Variants in PDE4C observed in about 807,000 individuals in gnomAD.
PDE4C encodes 3',5'-cyclic-AMP phosphodiesterase 4C.
Under a neutral mutation model 63.9 loss-of-function variants are expected in PDE4C, and 50 were observed. The observed-to-expected ratio is 0.78, with a 90% CI of 0.62 to 0.99. The LOEUF is 0.99. Among genes scored for constraint, PDE4C ranks in the 50% least tolerant of loss-of-function variants. PDE4C has a pLI of 0.00. For missense variants in PDE4C, 777 were observed against 899.1 expected (o/e 0.86, Z 1.74); for synonymous variants, 377 against 385.1 (o/e 0.98, Z 0.25).
intron 4 of PDE4C, 56 bp downstream of exon 4, chr19:18,221,049 T>TCCGCCAGGCGCCCCCCCCCC: frequency 1.6e-6 from 2 of 1,239,966 alleles, no homozygotes. Flanking sequence ...CAGCCCGCTT[T>TCCGCCAGGCGCCCCCCCCCC]CCGCCCACCT....
chr19:18,242,952 G>T (rs935968543), intron 1 of PDE4C, among the ~76,000 whole-genome samples: 3 of 152,106 alleles, frequency 2.0e-5, no homozygotes, highest in Non-Finnish European at 4.4e-5. Flanking sequence ...GGCCAATTTG[G>T]AGAGCAGGGC....
intron 8 of PDE4C, 67 bp from the exon 9 acceptor site, chr19:18,219,105 C>A: frequency 6.4e-7 from 1 of 1,573,584 alleles, no homozygotes; most frequent in South Asian, 1.1e-5. Flanking sequence ...GAGCCTCCAT[C>A]CTCCCACCCC....
chr19:18,237,376 A>G (rs1600100424), upstream of PDE4C, among the ~76,000 whole-genome samples: 1 of 150,944 alleles, frequency 6.6e-6, no homozygotes, highest in African/African-American at 2.4e-5. Flanking sequence ...ACATGGAGAA[A>G]CCCCACCTCT....
intron 1 of PDE4C, among the ~76,000 whole-genome samples, chr19:18,242,195 G>A (rs1249820740): frequency 1.3e-5 from 2 of 152,150 alleles, no homozygotes; most frequent in Non-Finnish European, 1.5e-5. Context: ...GAATTGGTAA[G>A]CCAGGCACTG....
upstream of PDE4C, among the ~76,000 whole-genome samples, chr19:18,238,424 G>C (rs1968988779): frequency 6.6e-6 from 1 of 151,854 alleles, no homozygotes; most frequent in South Asian, 2.1e-4. Flanking sequence ...TTTTAGTAGA[G>C]AGGGGTTTTC....
In PDE4C at chr19:18,220,452, A is replaced by T; in HGVS notation, c.563T>A (p.Leu188Ter). The change falls in exon 6 of 15, where the codon TTG becomes TAG. Residue 188 changes from leucine (L) to a stop codon, truncating the protein, a stop_gained. Transcript: ENST00000262805. LOFTEE classifies it high-confidence loss of function. This position sits in a 1 kb window ranked among gnomAD's most constrained non-coding sequence, Gnocchi z 5.1. The stretch of plus-strand genomic sequence containing the variant: ...CGAGTGCCGGGTCTGCAGCGTCTCC[A>T]ACTGATCCAGGCACCAGTCCAGCTC... 6.2e-7 allele frequency: 1 copy of T among 1,614,084 alleles called. No individual in the cohort carries two copies.
Position 18,213,383 on chromosome 19 carries a change from A to T in PDE4C, c.1497T>A (p.Tyr499Ter). ...AGCTACACACCTGGATTCGGTCGGAATAGTTGTCCAGGAGGAGGACACCGA... is the reference window on the plus strand; with the variant it reads ...AGCTACACACCTGGATTCGGTCGGATTAGTTGTCCAGGAGGAGGACACCGA... The change falls in exon 13 of 15, where the codon TAT becomes TAA. Residue 499 changes from tyrosine (Y) to a stop codon, truncating the protein, a stop_gained. Coordinates refer to ENST00000262805, the Ensembl canonical transcript of PDE4C. LOFTEE classifies it high-confidence loss of function. 1 of 1,613,530 alleles carries T rather than the reference A, an allele frequency of 6.2e-7. No individual in the cohort carries two copies. The highest frequency in any genetic ancestry group is 8.5e-7 in the Non-Finnish European group (1 of 1,179,592).
At chr19:18,240,215 T>A (rs1969013593) in intron 1 of PDE4C, among the ~76,000 whole-genome samples, 1 of 149,390 alleles carries the variant, frequency 6.7e-6, no homozygotes, top group Non-Finnish European at 1.5e-5. Context: ...TTTGGGAGGT[T>A]GAGGCCAAAA....
chr19:18,226,341 C>G (rs1344679848), exon 1 of PDE4C: 2 of 1,534,656 alleles, frequency 1.3e-6, no homozygotes, highest in African/African-American at 2.8e-5. Flanking sequence ...TCCTGAAGAG[C>G]CCGGGGGAGC....
chr19:18,211,238 C>A (rs1406883866), exon 15 of PDE4C: 1 of 1,606,350 alleles, frequency 6.2e-7, no homozygotes, highest in Non-Finnish European at 8.5e-7. Context: ...CAGCCCAAGT[C>A]TCCCACAGTG....
chr19:18,212,080 T>TTA, intron 13 of PDE4C, 139 bp from the exon 14 acceptor site: 1 of 784,898 alleles, frequency 1.3e-6, no homozygotes, highest in South Asian at 1.7e-5. Context: ...GAAGAAATGG[T>TTA]TAAGGCACAG....
exon 12 of PDE4C, chr19:18,216,857 G>A (rs1194365585): frequency 6.2e-7 from 1 of 1,614,104 alleles, no homozygotes; most frequent in Non-Finnish European, 8.5e-7. Flanking sequence ...TGGTTCTCCA[G>A]CACCGAGGCG....
the PDE4C span, among the ~76,000 whole-genome samples, chr19:18,254,066 C>G: frequency 6.6e-6 from 1 of 152,204 alleles, no homozygotes; most frequent in Non-Finnish European, 1.5e-5. Flanking sequence ...ATGTAGCCCC[C>G]CAGGCCCTGT....
upstream of PDE4C, among the ~76,000 whole-genome samples, chr19:18,237,840 T>C (rs1418437367): frequency 7.9e-6 from 1 of 125,860 alleles, no homozygotes; most frequent in Non-Finnish European, 1.6e-5. Flanking sequence ...GCCACTGCAC[T>C]CCAGCCTGAG....
upstream of PDE4C, among the ~76,000 whole-genome samples, chr19:18,227,806 G>A (rs1323827473): frequency 6.6e-6 from 1 of 152,164 alleles, no homozygotes; most frequent in Non-Finnish European, 1.5e-5. Flanking sequence ...CCCAGACATG[G>A]TACCCATGTT....
upstream of PDE4C, among the ~76,000 whole-genome samples, chr19:18,231,088 C>T (rs963010484): frequency 3.3e-5 from 5 of 152,220 alleles, no homozygotes; most frequent in Non-Finnish European, 7.3e-5. Flanking sequence ...GCCGAGGCTC[C>T]GGGAGGCACC....
chr19:18,208,665 G>T (rs1967797330), downstream of PDE4C: 1 of 152,154 alleles, frequency 6.6e-6, no homozygotes, highest in Non-Finnish European at 1.5e-5. Flanking sequence ...AAGATGTAAA[G>T]ATTTTATTTA....
chr19:18,227,957 A>G (rs1213274556), upstream of PDE4C, among the ~76,000 whole-genome samples: 1 of 152,150 alleles, frequency 6.6e-6, no homozygotes, highest in Non-Finnish European at 1.5e-5. Flanking sequence ...CACAGCCCAG[A>G]AAAACAGAGA....
chr19:18,226,421 G>T lies in PDE4C; in HGVS notation c.-6C>A. On this transcript the variant is annotated 5_prime_UTR_variant, in exon 1 of 15. It adds an upstream start codon to the 5' untranslated region. Coordinates refer to ENST00000262805, the Ensembl canonical transcript of PDE4C. Reference sequence around the variant, plus strand: ...GGCGCGGGGGGGCCCTGCATCGCCAGGACTGCGTGGAGGCTGGACCGAGCG... The same window carrying T: ...GGCGCGGGGGGGCCCTGCATCGCCATGACTGCGTGGAGGCTGGACCGAGCG... 1 of 1,417,996 alleles carries T rather than the reference G, an allele frequency of 7.1e-7. No individual in the cohort carries two copies. 87.8% of individuals were successfully genotyped at this position (1,417,996 alleles called of 1,614,324 possible). A position where few individuals can be genotyped will look rare whatever the true frequency, so the allele number is the denominator to read the frequency against.
Sources: allele counts gnomAD v4.1 joint callset (sites outside exome capture counted in the v4.1 genomes callset), GRCh38; gene constraint gnomAD v4.1.1; non-coding constraint Gnocchi (gnomAD v3.1); transcripts MANE v1.5; gene names NCBI Gene and HGNC (gene_info 2026-07-23, HGNC 2026-07-21).